Variants in PUS7L observed in about 807,000 individuals in gnomAD.
PUS7L encodes the protein pseudouridine synthase 7 like, also known as pseudouridylate synthase PUS7L.
A neutral mutation model predicts 51.1 loss-of-function variants in PUS7L; 49 were observed. The observed-to-expected ratio is 0.96, with a 90% CI of 0.76 to 1.22. The LOEUF is 1.22. Among genes scored for constraint, PUS7L ranks in the 50% most tolerant of loss-of-function variants. The pLI is 0.00. For synonymous variants in PUS7L, 277 were observed against 276.2 expected (o/e 1.00, Z -0.03); for missense variants, 828 against 820.6 (o/e 1.01, Z -0.11).
chr12:43,733,949 G>A (rs1210955461), intron 7 of PUS7L, among the ~76,000 whole-genome samples: 1 of 152,028 alleles, frequency 6.6e-6, no homozygotes, highest in East Asian at 1.9e-4. Context: ...TGCAGTTTTT[G>A]CATATTCATC....
intron 2 of PUS7L, among the ~76,000 whole-genome samples, chr12:43,753,101 C>T (rs1000307310): frequency 3.9e-5 from 6 of 152,274 alleles, no homozygotes; most frequent in Admixed American, 1.3e-4. Context: ...GCTTAAATCA[C>T]TCACCAGCAA....
intron 4 of PUS7L, among the ~76,000 whole-genome samples, chr12:43,745,579 G>A (rs1005760401): frequency 2.0e-5 from 3 of 152,166 alleles, no homozygotes; most frequent in African/African-American, 4.8e-5. Context: ...CAGCCATGCT[G>A]AACTGTGAGT....
rs1430418633 is a variant in PUS7L at position 43,754,737 on chromosome 12, T to A, written c.509A>T (p.Asn170Ile). 1.2e-6 allele frequency: 2 copies of A among 1,614,004 alleles called. No homozygotes were observed. Among genetic ancestry groups the A allele is most frequent in the Non-Finnish European group, 8.5e-7 (1 of 1,179,908 alleles). Residue 170 changes from asparagine to isoleucine, a missense_variant, in exon 2 of 9, where the codon AAC becomes ATC. Physicochemically the swap from Asn to Ile is moderately radical, Grantham distance 149. Coordinates refer to ENST00000344862, the MANE Select transcript of PUS7L (RefSeq NM_031292.5). ...EFSIGRILDK[N>I]QRASLHSAIR... ...GGCACTGTGTAAACTAGCCCTCTGG[T>A]TTTTGTCAAGGATTCTGCCTATTGA...
chr12:43,752,099 C>T (rs1027129940), intron 2 of PUS7L, among the ~76,000 whole-genome samples: 3 of 152,098 alleles, frequency 2.0e-5, no homozygotes, highest in African/African-American at 7.2e-5. Context: ...TGGATATTAG[C>T]CCTTTGTCAG....
At chr12:43,746,969 C>A (rs981295931) in intron 3 of PUS7L, among the ~76,000 whole-genome samples, 1 of 152,146 alleles carries the variant, frequency 6.6e-6, no homozygotes, top group Non-Finnish European at 1.5e-5. Flanking sequence ...ATCTAAAGTT[C>A]TTCTTTCTGC....
chr12:43,720,638 T>A lies in PUS7L; in HGVS notation c.*9738A>T, dbSNP rs1565621539. ...TTTATTGCATATGCTTATAGTCCAG[T>A]GCATAGTCAATTTCTATAAATGTCC... On this transcript the variant is annotated 3_prime_UTR_variant, in exon 9 of 9. Transcript: ENST00000344862. 6.6e-6 allele frequency: 1 copy of A among 152,244 alleles called. No homozygotes were observed. 9.4% of individuals were successfully genotyped at this position (152,244 alleles called of 1,614,324 possible).
At chr12:43,734,294 T>G (rs1230623754) in intron 7 of PUS7L, among the ~76,000 whole-genome samples, 4 of 152,104 alleles carry the variant, frequency 2.6e-5, no homozygotes, top group Non-Finnish European at 4.4e-5. Flanking sequence ...CCTAGAGTCG[T>G]TAATAATAAT....
At chr12:43,751,023 G>C (rs182670557) in intron 2 of PUS7L, among the ~76,000 whole-genome samples, 2 of 151,974 alleles carry the variant, frequency 1.3e-5, no homozygotes, top group Admixed American at 6.6e-5. Context: ...TTATTGTTGC[G>C]TAACAAGTCA....
intron 2 of PUS7L, among the ~76,000 whole-genome samples, chr12:43,752,719 T>G (rs893311783): frequency 1.3e-5 from 2 of 152,138 alleles, no homozygotes; most frequent in African/African-American, 4.8e-5. Flanking sequence ...GTGGTTCCCA[T>G]TTTTCAGAAC....
intron 7 of PUS7L, among the ~76,000 whole-genome samples, chr12:43,734,852 A>G (rs1427888869): frequency 6.6e-6 from 1 of 152,238 alleles, no homozygotes; most frequent in African/African-American, 2.4e-5. Context: ...TTTTACTGTT[A>G]CATACGAAAG....
In PUS7L at chr12:43,730,506, T is replaced by C. The variant is rs1311628182; in HGVS notation, c.1976A>G (p.His659Arg). The C allele has an allele frequency of 6.2e-7, 1 of 1,613,714 alleles. No individual in the cohort carries two copies. The highest frequency in any genetic ancestry group is 8.5e-7 in the Non-Finnish European group (1 of 1,179,654). Reference protein sequence around the residue: ...CNLSYQLMEDHDIDVKTKGSH... With the variant: ...CNLSYQLMEDRDIDVKTKGSH... ...ACCTTTCGTTTTGACATCAATGTCA[T>C]GATCTTCCATTAGTTGGTATGAGAG... Residue 659 changes from histidine to arginine, a missense_variant, in exon 9 of 9, where the codon CAT becomes CGT. His to Arg is a conservative substitution (Grantham distance 29). Coordinates refer to ENST00000344862, the MANE Select transcript of PUS7L (RefSeq NM_031292.5).
rs570892383 is a variant in PUS7L, at chr12:43,737,369, G to A, written c.1445-708C>T. 1.7e-3 allele frequency among the ~76,000 whole-genome samples: 255 copies of A among 152,158 alleles called. 2 individuals are homozygous for A. Among genetic ancestry groups the A allele is most frequent in the African/African-American group, 5.9e-3 (246 of 41,524 alleles). On this transcript the variant is annotated intron_variant, in intron 6 of 8. Coordinates refer to ENST00000344862, the MANE Select transcript of PUS7L (RefSeq NM_031292.5). ...CATAAGAGTTAGAAGTGTCCACACTGTTTACACATTGTGGTATGGCACAAA... is the reference window on the plus strand; with the variant it reads ...CATAAGAGTTAGAAGTGTCCACACTATTTACACATTGTGGTATGGCACAAA...
chr12:43,758,537 A>G, intron 1 of PUS7L, 193 bp downstream of exon 1: 1 of 985,662 alleles, frequency 1.0e-6, no homozygotes, highest in Non-Finnish European at 1.2e-6. Flanking sequence ...CGACAAGGCC[A>G]GCAGCTCTAC....
At chr12:43,758,687 A>G (rs1939051603) in intron 1 of PUS7L, 43 bp downstream of exon 1, 1 of 785,494 alleles carries the variant, frequency 1.3e-6, no homozygotes. Context: ...ACACACACAC[A>G]CATACAAGCC....
Position 43,758,727 on chromosome 12 carries a change from T to C in PUS7L, c.-17+3A>G. ...ATCGCGCAAGAAACTCGACCCCGTC[T>C]ACCTCGGTTCAGTGGAAGGCATTCA... On this transcript the variant is annotated splice_donor_region_variant and intron_variant, in intron 1 of 8. Coordinates refer to ENST00000344862, the MANE Select transcript of PUS7L (RefSeq NM_031292.5). The C allele has an allele frequency of 1.0e-6, 1 of 960,194 alleles. No individual in the cohort carries two copies. Among genetic ancestry groups the C allele is most frequent in the Non-Finnish European group, 1.2e-6 (1 of 824,846 alleles). 59.5% of individuals were successfully genotyped at this position (960,194 alleles called of 1,614,324 possible).
chr12:43,745,887 A>C (rs1938143600), intron 4 of PUS7L, among the ~76,000 whole-genome samples, 159 bp downstream of exon 4: 1 of 152,216 alleles, frequency 6.6e-6, no homozygotes, highest in African/African-American at 2.4e-5. Flanking sequence ...ATAAAATATA[A>C]GCCAAATGGC....
chr12:43,736,865 T>TAA (rs369648072), intron 6 of PUS7L, among the ~76,000 whole-genome samples: 2 of 139,070 alleles, frequency 1.4e-5, no homozygotes, highest in African/African-American at 5.3e-5. Flanking sequence ...TCCCTGCTAT[T>TAA]AAAAAAAAAA....
In PUS7L at chr12:43,754,757, T is replaced by A. The variant is rs11182252; in HGVS notation, c.489A>T (p.Ile163=). Residue 163 remains isoleucine (I), a synonymous_variant, in exon 2 of 9, where the codon ATA becomes ATT. Coordinates refer to ENST00000344862, the MANE Select transcript of PUS7L (RefSeq NM_031292.5). ...ELIGLPPEFS[I]GRILDKNQRA... Reference sequence around the variant, plus strand: ...TCTGGTTTTTGTCAAGGATTCTGCCTATTGAGAATTCAGGAGGTAGTCCAA... The same window carrying A: ...TCTGGTTTTTGTCAAGGATTCTGCCAATTGAGAATTCAGGAGGTAGTCCAA... 0.025 allele frequency: 40,251 copies of A among 1,613,946 alleles called. 558 individuals are homozygous for A. Among genetic ancestry groups the A allele is most frequent in the Admixed American group, 0.04 (2,374 of 60,018 alleles).
In PUS7L at chr12:43,727,684, G is replaced by C. The variant is rs909911070; in HGVS notation, c.*2692C>G. ...ACAATAGGCACCATGGCCTACTTGA[G>C]GGTGGAGGGTGGGAGAAAGATGAGG... On this transcript the variant is annotated 3_prime_UTR_variant, in exon 9 of 9. Transcript: ENST00000344862. The C allele has an allele frequency of 6.6e-6, 1 of 152,128 alleles. No individual in the cohort carries two copies. The highest frequency in any genetic ancestry group is 2.4e-5 in the African/African-American group (1 of 41,404). 9.4% of individuals were successfully genotyped at this position (152,128 alleles called of 1,614,324 possible).
Sources: allele counts gnomAD v4.1 joint callset (sites outside exome capture counted in the v4.1 genomes callset), GRCh38; gene constraint gnomAD v4.1.1; transcripts MANE v1.5; gene names NCBI Gene and HGNC (gene_info 2026-07-23, HGNC 2026-07-21).